ZNF177: variants seen among roughly 807,000 people sequenced by gnomAD.
ZNF177 encodes the protein zinc finger protein 177.
ZNF177 carries 17 observed loss-of-function variants against 19.4 expected under a neutral mutation model. That is an observed-to-expected ratio of 0.87 (90% CI 0.60 to 1.31). ZNF177 has a LOEUF of 1.31. ZNF177 is among the 40% of genes most tolerant of loss of function. ZNF177 has a pLI of 0.00. For missense variants in ZNF177, 633 were observed against 561.8 expected, an observed-to-expected ratio of 1.13 and a Z score of -1.28; for synonymous variants, 220 against 188.7, an observed-to-expected ratio of 1.17 and a Z score of -1.36.
At chr19:9,379,550 C>T (rs565927962) in exon 4 of ZNF177, 2 of 1,613,898 alleles carry the variant, frequency 1.2e-6, no homozygotes, top group African/African-American at 2.7e-5. Flanking sequence ...CAGACACAGT[C>T]TGATCTCCAA....
intron 1 of ZNF177, 68 bp from the exon 4 acceptor site, chr19:9,378,191 C>T (rs2068139115): frequency 7.0e-7 from 1 of 1,424,696 alleles, no homozygotes; most frequent in African/African-American, 1.5e-5. Flanking sequence ...TAAGAAGAAG[C>T]TTCCCAGCCT....
intron 3 of ZNF177, 120 bp downstream of exon 5, chr19:9,379,208 C>T (rs1212874527): frequency 9.1e-6 from 13 of 1,429,784 alleles, no homozygotes; most frequent in Non-Finnish European, 1.0e-5. Flanking sequence ...TGAATGGTCC[C>T]TGCCCTTGAG....
chr19:9,381,353 A>G (rs751006591), exon 6 of ZNF177: 8 of 1,613,968 alleles, frequency 5.0e-6, no homozygotes, highest in African/African-American at 1.3e-5. Context: ...AAACCCTATG[A>G]CTGTAAGGAA....
chr19:9,368,676 A>G (rs1373732061), intron 2 of ZNF177, among the ~76,000 whole-genome samples: 1 of 152,116 alleles, frequency 6.6e-6, no homozygotes, highest in Non-Finnish European at 1.5e-5. Flanking sequence ...TACATTCTAC[A>G]AGTTGTGGTA....
In ZNF177 at chr19:9,379,100, C is replaced by T. The variant is rs2068152391; in HGVS notation, c.160+12C>T. On this transcript the variant is annotated intron_variant, in intron 3 of 5. Transcript: ENST00000589262. ...CCTGGCCTCAGTAGGTAAGGCTGGC[C>T]TCATTTCTTCATTTGTTTATGTAGC... The T allele has an allele frequency of 6.3e-7, 1 of 1,588,048 alleles. No homozygotes were observed. Among genetic ancestry groups the T allele is most frequent in the Admixed American group, 1.8e-5 (1 of 56,080 alleles).
exon 6 of ZNF177, chr19:9,381,638 C>T (rs2068204184): frequency 6.2e-7 from 1 of 1,613,336 alleles, no homozygotes; most frequent in Non-Finnish European, 8.5e-7. Context: ...TTTAGGAATT[C>T]CTCTTGCCTG....
chr19:9,364,090 T>C (rs1185821546), intron 1 of ZNF177, among the ~76,000 whole-genome samples: 1 of 152,224 alleles, frequency 6.6e-6, no homozygotes, highest in Non-Finnish European at 1.5e-5. Context: ...AATCTAACTC[T>C]AGAACATTTT....
At chr19:9,373,843 T>C (rs2068077901), upstream of ZNF177, among the ~76,000 whole-genome samples, 1 of 152,208 alleles carries the variant, frequency 6.6e-6, no homozygotes, top group Admixed American at 6.5e-5. Flanking sequence ...TGCAGATTCT[T>C]TCTCCCATTC....
chr19:9,370,235 C>T (rs965940541), intron 2 of ZNF177, among the ~76,000 whole-genome samples: 1 of 152,142 alleles, frequency 6.6e-6, no homozygotes, highest in Non-Finnish European at 1.5e-5. Flanking sequence ...AGGACCCCCA[C>T]ATGGCTTCCA....
intron 1 of ZNF177, 59 bp from the exon 2 acceptor site, chr19:9,364,803 T>C (rs572734262): frequency 6.6e-6 from 1 of 152,306 alleles, no homozygotes; most frequent in Non-Finnish European, 1.5e-5. Flanking sequence ...AGGTTCGATT[T>C]TCATGGTGTA....
intron 2 of ZNF177, 86 bp from the exon 5 acceptor site, chr19:9,378,876 A>T (rs1216383954): frequency 6.7e-7 from 1 of 1,491,300 alleles, no homozygotes; most frequent in East Asian, 2.3e-5. Flanking sequence ...TCTCCTCTCC[A>T]GTCCTGTCAG....
At chr19:9,368,737 T>C (rs756433371) in intron 2 of ZNF177, among the ~76,000 whole-genome samples, 40 of 152,162 alleles carry the variant, frequency 2.6e-4, no homozygotes, top group Non-Finnish European at 5.1e-4. Context: ...ATTCAATTCT[T>C]TTATAAAAGC....
At chr19:9,363,931 C>T (rs984366281) in intron 1 of ZNF177, among the ~76,000 whole-genome samples, 4 of 152,202 alleles carry the variant, frequency 2.6e-5, no homozygotes, top group African/African-American at 7.2e-5. Flanking sequence ...TTCAGCTTGT[C>T]ACTACTTACA....
chr19:9,363,744 T>C (rs1056777660), intron 1 of ZNF177, among the ~76,000 whole-genome samples: 1 of 152,234 alleles, frequency 6.6e-6, no homozygotes, highest in Non-Finnish European at 1.5e-5. Context: ...TCAGTTTACC[T>C]GTAGTTTCTT....
downstream of ZNF177, chr19:9,382,363 T>TG: frequency 2.5e-6 from 1 of 398,988 alleles, no homozygotes; most frequent in Non-Finnish European, 4.4e-6. Context: ...ATTTGCCCTT[T>TG]GTCTTGTCCC....
intron 1 of ZNF177, among the ~76,000 whole-genome samples, chr19:9,363,712 A>C (rs2067938453): frequency 6.6e-6 from 1 of 152,206 alleles, no homozygotes. Flanking sequence ...TTTTGTATGC[A>C]GCAAGCAGCA....
chr19:9,380,478 C>G (rs2068178521), intron 5 of ZNF177, 190 bp from the exon 8 acceptor site: 2 of 1,132,874 alleles, frequency 1.8e-6, no homozygotes, highest in Non-Finnish European at 2.5e-6. Flanking sequence ...GAGCCTTGGA[C>G]AGAGGAGTGA....
upstream of ZNF177, among the ~76,000 whole-genome samples, chr19:9,373,633 A>T (rs777898442): frequency 6.6e-6 from 1 of 152,194 alleles, no homozygotes; most frequent in Non-Finnish European, 1.5e-5. Context: ...GATAATATCT[A>T]TTATAACAAG....
chr19:9,380,095 A>G lies in ZNF177; in HGVS notation c.292A>G (p.Met98Val), dbSNP rs115385615. Reference sequence around the variant, plus strand: ...ACTTAAACCAAAAGATACAATTGCTATGCAGAACATTCCTGGGGGAAAAAC... The same window carrying G: ...ACTTAAACCAAAAGATACAATTGCTGTGCAGAACATTCCTGGGGGAAAAAC... The change falls in exon 5 of 6, where the codon ATG becomes GTG. Residue 98 changes from methionine to valine, a missense_variant. Physicochemically the swap from Met to Val is conservative, Grantham distance 21. Transcript: ENST00000589262. The G allele has an allele frequency of 2.0e-3, 3,253 of 1,612,276 alleles. 56 individuals are homozygous for G. The African/African-American group carries it at 0.037, about 18-fold the overall frequency.
Sources: gnomAD v4.1 joint callset for allele counts (sites outside exome capture counted in the v4.1 genomes callset) on GRCh38, gnomAD v4.1.1 for gene constraint, MANE v1.5 for transcripts, NCBI Gene and HGNC (gene_info 2026-07-23, HGNC 2026-07-21) for gene names.